The following MGST1 variants were observed in gnomAD, a reference collection of about 807,000 sequenced individuals.
MGST1 encodes microsomal glutathione S-transferase 1.
In MGST1, 5 loss-of-function variants were observed where a neutral mutation model predicts 8.9. The observed-to-expected ratio is 0.56, with a 90% confidence interval of 0.29 to 1.19. The LOEUF (loss-of-function observed/expected upper bound fraction) is 1.19, where lower values mean the gene tolerates loss of function less well. MGST1 is among the 50% of genes most tolerant of loss of function. The pLI is 0.08. For missense variants in MGST1, 182 were observed against 187.4 expected (o/e 0.97, Z 0.17); for synonymous variants, 54 against 67.8 (o/e 0.80, Z 1.00).
At chr12:16,461,230 G>T (rs1422860536) in intron 4 of MGST1, among the ~76,000 whole-genome samples, 1 of 150,632 alleles carries the variant, frequency 6.6e-6, no homozygotes, top group Non-Finnish European at 1.5e-5. Context: ...TCAAACTCAG[G>T]CTGCCTAGGT....
chr12:16,394,522 CTTTCTTTCTTTCTTTCTTTCTT>C (rs1940585596), intron 1 of MGST1, among the ~76,000 whole-genome samples: 1 of 7,198 alleles, frequency 1.4e-4, no homozygotes, highest in Non-Finnish European at 5.0e-4. Flanking sequence ...CCCTTTCTTT[CTTTCTTTCTTTCTTTCTTTCTT>C]TCTTTCTTTC....
intron 1 of MGST1, among the ~76,000 whole-genome samples, chr12:16,418,217 GAAAACTA>G (rs1940803027): frequency 6.6e-6 from 1 of 152,102 alleles, no homozygotes; most frequent in Admixed American, 6.6e-5. Flanking sequence ...TCATTTTACT[GAAAACTA>G]AATTCAAATT....
At chr12:16,409,644 A>G (rs916110596) in intron 1 of MGST1, among the ~76,000 whole-genome samples, 8 of 152,128 alleles carry the variant, frequency 5.3e-5, no homozygotes, top group African/African-American at 1.9e-4. Context: ...CTAGGGAGAC[A>G]AATTTCTAAG....
intron 4 of MGST1, among the ~76,000 whole-genome samples, chr12:16,489,628 A>G (rs1448598329): frequency 6.6e-6 from 1 of 152,202 alleles, no homozygotes. Context: ...AATGCTTACA[A>G]CAATGTTGTT....
Position 16,566,940 on chromosome 12 carries a change from GT to G in MGST1, n.483-22587del, listed in dbSNP as rs570467587. On this transcript the variant is annotated intron_variant and non_coding_transcript_variant, in intron 4 of 4. Transcript: ENST00000538857. Reference sequence around the variant, plus strand: ...AACTACCAAAAGCCCATGCTACATAGTCATATATATATATGTTAAAAACTAC... The same window carrying G: ...AACTACCAAAAGCCCATGCTACATAGCATATATATATATGTTAAAAACTAC... 5.3e-5 allele frequency among the ~76,000 whole-genome samples: 8 copies of G among 152,262 alleles called. No individual in the cohort carries two copies. The East Asian group carries it at 1.5e-3, about 29-fold the overall frequency.
Position 16,370,608 on chromosome 12 carries a change from T to G in MGST1, c.222-5514T>G, listed in dbSNP as rs543273465. 1.1e-3 allele frequency among the ~76,000 whole-genome samples: 173 copies of G among 152,280 alleles called. 3 individuals carry two copies. The highest frequency in any genetic ancestry group is 0.011 in the Admixed American group (173 of 15,278). ...ACTTGATAGTGAAAGGAATATAATTTCCTTTGTAACTCATCTTTCATGACA... is the reference window on the plus strand; with the variant it reads ...ACTTGATAGTGAAAGGAATATAATTGCCTTTGTAACTCATCTTTCATGACA... On this transcript the variant is annotated intron_variant, in intron 3 of 3. Coordinates refer to the MGST1 transcript ENST00000535309.
chr12:16,484,325 C>G (rs1031529463), intron 4 of MGST1, among the ~76,000 whole-genome samples: 4 of 152,180 alleles, frequency 2.6e-5, no homozygotes, highest in African/African-American at 9.7e-5. Context: ...GCCCCAGGAA[C>G]AGAAGATTCA....
Position 16,517,683 on chromosome 12 carries a change from G to C in MGST1, n.483-71845G>C, listed in dbSNP as rs1370485506. Among the ~76,000 whole-genome samples the C allele has an allele frequency of 1.3e-5, 2 of 152,134 alleles. No individual in the cohort carries two copies. The highest frequency in any genetic ancestry group is 4.8e-5 in the African/African-American group (2 of 41,430). Reference sequence around the variant, plus strand: ...ATGACAGAGTGTTGCAAGCCAACTTGGCTTGTGCTCATCTAAGCACTGTCC... The same window carrying C: ...ATGACAGAGTGTTGCAAGCCAACTTCGCTTGTGCTCATCTAAGCACTGTCC... On this transcript the variant is annotated intron_variant and non_coding_transcript_variant, in intron 4 of 4. Coordinates refer to the MGST1 transcript ENST00000538857. The surrounding 1 kb of genome is among the most constrained non-coding windows in gnomAD (Gnocchi z 4.2).
intron 4 of MGST1, chr12:16,551,070 A>T: frequency 1.8e-6 from 1 of 565,650 alleles, no homozygotes; most frequent in East Asian, 2.7e-5. Flanking sequence ...CACTACATAC[A>T]GATGCAGTCC....
chr12:16,409,970 T>C (rs1940729754), intron 1 of MGST1, among the ~76,000 whole-genome samples: 1 of 152,302 alleles, frequency 6.6e-6, no homozygotes, highest in African/African-American at 2.4e-5. Flanking sequence ...TTTTATGTTA[T>C]CTCAGAGATA....
At chr12:16,551,235 G>T in intron 4 of MGST1, 1 of 1,602,422 alleles carries the variant, frequency 6.2e-7, no homozygotes, top group South Asian at 1.1e-5. Context: ...GCGAACCTGG[G>T]GTGCATAACC....
At chr12:16,554,628 G>A (rs1054634208) in intron 4 of MGST1, among the ~76,000 whole-genome samples, 4 of 152,104 alleles carry the variant, frequency 2.6e-5, no homozygotes, top group Admixed American at 6.5e-5. Context: ...ATTATTCAAA[G>A]TTTACCTTAC....
At chr12:16,419,232 G>C (rs1301211800) in intron 1 of MGST1, among the ~76,000 whole-genome samples, 1 of 152,122 alleles carries the variant, frequency 6.6e-6, no homozygotes, top group Non-Finnish European at 1.5e-5. Context: ...CAAATGCTCT[G>C]TTCTTGCCTT....
chr12:16,442,746 C>T (rs937392729), downstream of MGST1, among the ~76,000 whole-genome samples: 1 of 151,694 alleles, frequency 6.6e-6, no homozygotes, highest in African/African-American at 2.4e-5. This position sits in a 1 kb window ranked among gnomAD's most constrained non-coding sequence, Gnocchi z 4.5. Flanking sequence ...TGACTTTGTT[C>T]TTCTCTTTCC....
At chr12:16,477,880 A>C (rs1007293736) in intron 4 of MGST1, among the ~76,000 whole-genome samples, 2 of 152,172 alleles carry the variant, frequency 1.3e-5, no homozygotes, top group Non-Finnish European at 2.9e-5. Flanking sequence ...ACTTTTTAGT[A>C]TTAGCTGAGT....
chr12:16,543,423 T>C (rs1412094850), intron 4 of MGST1, among the ~76,000 whole-genome samples: 1 of 152,130 alleles, frequency 6.6e-6, no homozygotes, highest in East Asian at 1.9e-4. Context: ...CCTTGTTTGC[T>C]TGTTGAGTGC....
At chr12:16,448,295 G>A (rs539033184) in intron 4 of MGST1, among the ~76,000 whole-genome samples, 6 of 151,878 alleles carry the variant, frequency 4.0e-5, no homozygotes, top group Non-Finnish European at 8.8e-5. Context: ...GGATTTGTGG[G>A]TGAGTCAAGA....
intron 4 of MGST1, among the ~76,000 whole-genome samples, chr12:16,551,686 A>T (rs953387680): frequency 1.3e-5 from 2 of 151,950 alleles, no homozygotes; most frequent in Non-Finnish European, 2.9e-5. Context: ...AATGATAATA[A>T]TGTTTCACTG....
At position 16,560,595 on chromosome 12, in the gene MGST1, G is replaced by A. The variant is rs752851249; in HGVS notation, n.483-28933G>A. On this transcript the variant is annotated intron_variant and non_coding_transcript_variant, in intron 4 of 4. Coordinates refer to the MGST1 transcript ENST00000538857. This position sits in a 1 kb window ranked among gnomAD's most constrained non-coding sequence, Gnocchi z 5.0. ...AACTCTTACAGAGAAATCTGAGATCGTGAAGAGAGATGATGTTAATATACT... is the reference window on the plus strand; with the variant it reads ...AACTCTTACAGAGAAATCTGAGATCATGAAGAGAGATGATGTTAATATACT... The A allele has an allele frequency of 3.9e-5, 58 of 1,489,786 alleles. No individual in the cohort carries two copies. The highest frequency in any genetic ancestry group is 4.8e-5 in the Non-Finnish European group (52 of 1,079,872). 92.3% of individuals were successfully genotyped at this position (1,489,786 alleles called of 1,614,324 possible). A position where few individuals can be genotyped will look rare whatever the true frequency, so the allele number is the denominator to read the frequency against.
Sources: gnomAD v4.1 joint callset for allele counts (sites outside exome capture counted in the v4.1 genomes callset) on GRCh38, gnomAD v4.1.1 for gene constraint, Gnocchi (gnomAD v3.1) non-coding constraint, MANE v1.5 for transcripts, NCBI Gene and HGNC (gene_info 2026-07-23, HGNC 2026-07-21) for gene names.